The following KCNH1 variants were observed in gnomAD, a reference collection of about 807,000 sequenced individuals.
The protein encoded by KCNH1 is voltage-gated delayed rectifier potassium channel KCNH1.
KCNH1 carries 27 observed loss-of-function variants against 69.2 expected under a neutral mutation model. The ratio of observed to expected loss-of-function variants is 0.39; its 90% CI spans 0.29 to 0.54. KCNH1 has a LOEUF of 0.54. KCNH1 is among the 20% of genes least tolerant of loss of function. The pLI is 0.68. For missense variants in KCNH1, 798 were observed against 1,261.6 expected (o/e 0.63, Z 5.57); for synonymous variants, 456 against 487.7 (o/e 0.93, Z 0.86).
chr1:210,922,398 A>AC (rs1203782378), intron 6 of KCNH1, among the ~76,000 whole-genome samples: 6,201 of 28,994 alleles, frequency 0.21, 477 homozygotes, highest in East Asian at 0.35. Flanking sequence ...AAAAAAAAAA[A>AC]AAAAAAAAAA....
intron 7 of KCNH1, among the ~76,000 whole-genome samples, chr1:210,912,615 G>C (rs1174325779): frequency 6.6e-6 from 1 of 152,214 alleles, no homozygotes; most frequent in African/African-American, 2.4e-5. Context: ...GGGGCAGGGA[G>C]AGAGTTATCA....
chr1:211,111,165 A>C (rs1321097418), intron 1 of KCNH1, among the ~76,000 whole-genome samples: 1 of 152,234 alleles, frequency 6.6e-6, no homozygotes, highest in East Asian at 1.9e-4. Flanking sequence ...CAAGCTCCAG[A>C]TATCACTGCA....
intron 6 of KCNH1, among the ~76,000 whole-genome samples, chr1:211,002,444 C>G (rs974286985): frequency 2.7e-5 from 4 of 150,826 alleles, no homozygotes; most frequent in Non-Finnish European, 4.4e-5. Flanking sequence ...TCCAAAATAA[C>G]TAGCACATGA....
chr1:210,994,257 T>G (rs1189954982), intron 6 of KCNH1, among the ~76,000 whole-genome samples: 1 of 152,216 alleles, frequency 6.6e-6, no homozygotes, highest in Non-Finnish European at 1.5e-5. Flanking sequence ...TACTATCTCA[T>G]GTGATCTTGA....
At chr1:210,959,735 G>C (rs1315210221) in intron 6 of KCNH1, among the ~76,000 whole-genome samples, 2 of 152,196 alleles carry the variant, frequency 1.3e-5, no homozygotes, top group African/African-American at 4.8e-5. Context: ...AGAATCTCCT[G>C]GTCTGCCAGT....
chr1:211,105,062 T>C (rs1299632385), intron 2 of KCNH1, among the ~76,000 whole-genome samples: 2 of 152,226 alleles, frequency 1.3e-5, no homozygotes, highest in African/African-American at 4.8e-5. Context: ...TGTTATCTTA[T>C]GTCCCTTCCC....
chr1:210,989,316 A>C lies in KCNH1; in HGVS notation c.1032+29467T>G, dbSNP rs368293010. Among the ~76,000 whole-genome samples, 124 of 152,370 alleles carry C rather than the reference A, an allele frequency of 8.1e-4. 1 individual carries two copies. The highest frequency in any genetic ancestry group is 2.8e-3 in the African/African-American group (118 of 41,594). On this transcript the variant is annotated intron_variant, in intron 6 of 10. Coordinates refer to ENST00000271751, the MANE Select transcript of KCNH1 (RefSeq NM_172362.3). The stretch of plus-strand genomic sequence containing the variant: ...CAAAAACAAAGGCAAAAGACACAAA[A>C]TACTACTTTTGTGAATAGAAATAGA...
Position 210,810,220 on chromosome 1 carries a change from T to C in KCNH1, c.1463-6054A>G, listed in dbSNP as rs909829182. ...TTCTAAAGTGGAAATCATTTCTCTCTGGATTTTGGAAGCATTTCTCCAGCC... is the reference window on the plus strand; with the variant it reads ...TTCTAAAGTGGAAATCATTTCTCTCCGGATTTTGGAAGCATTTCTCCAGCC... On this transcript the variant is annotated intron_variant, in intron 7 of 10. Transcript: ENST00000271751. Among the ~76,000 whole-genome samples the C allele has an allele frequency of 2.6e-5, 4 of 152,136 alleles. No individual in the cohort carries two copies. In the South Asian group the frequency reaches 8.3e-4, roughly 31 times the overall value.
At chr1:210,726,231 T>A (rs17260718) in intron 10 of KCNH1, among the ~76,000 whole-genome samples, 3 of 152,038 alleles carry the variant, frequency 2.0e-5, no homozygotes, top group Non-Finnish European at 4.4e-5. Context: ...GGAGCAGCAC[T>A]TGCCCAACTT....
intron 10 of KCNH1, among the ~76,000 whole-genome samples, chr1:210,758,882 T>G (rs574101942): frequency 6.6e-6 from 1 of 152,300 alleles, no homozygotes; most frequent in South Asian, 2.1e-4. Context: ...CCTCTGTCCC[T>G]GCCGCTAACT....
intron 10 of KCNH1, among the ~76,000 whole-genome samples, chr1:210,757,099 A>T (rs889845545): frequency 6.6e-6 from 1 of 152,172 alleles, no homozygotes; most frequent in Admixed American, 6.5e-5. Context: ...TGATCCTAGG[A>T]GTGCAGTCCT....
chr1:210,864,255 C>T (rs150986220), intron 7 of KCNH1, among the ~76,000 whole-genome samples: 22 of 152,136 alleles, frequency 1.4e-4, no homozygotes, highest in Non-Finnish European at 2.9e-5. Context: ...CATCTCTACC[C>T]CCTCAGCATG....
chr1:211,131,613 A>G (rs576717398), intron 1 of KCNH1, among the ~76,000 whole-genome samples: 4 of 152,220 alleles, frequency 2.6e-5, no homozygotes, highest in African/African-American at 4.8e-5. Context: ...GAGACAATCA[A>G]TATCTTTAAA....
intron 6 of KCNH1, among the ~76,000 whole-genome samples, chr1:210,933,572 A>T (rs1293308206): frequency 6.6e-6 from 1 of 152,116 alleles, no homozygotes; most frequent in African/African-American, 2.4e-5. Flanking sequence ...GACTAAAAAC[A>T]TACAAAAAAT....
At chr1:210,980,621 T>C (rs1688690697) in intron 6 of KCNH1, among the ~76,000 whole-genome samples, 1 of 152,148 alleles carries the variant, frequency 6.6e-6, no homozygotes, top group South Asian at 2.1e-4. Flanking sequence ...AAAAGAATCA[T>C]TTGCACTGCA....
intron 4 of KCNH1, among the ~76,000 whole-genome samples, chr1:211,089,455 T>C (rs1458709934): frequency 6.6e-6 from 1 of 152,200 alleles, no homozygotes; most frequent in Non-Finnish European, 1.5e-5. Flanking sequence ...TTTTAAAAAA[T>C]AGGATGCGCT....
intron 7 of KCNH1, among the ~76,000 whole-genome samples, chr1:210,910,192 A>AT (rs1165573315): frequency 6.8e-6 from 1 of 146,976 alleles, no homozygotes; most frequent in Non-Finnish European, 1.5e-5. Flanking sequence ...AAAAAAAAAA[A>AT]TTTCATCAAA....
At chr1:211,068,208 T>C (rs1690569235) in intron 5 of KCNH1, among the ~76,000 whole-genome samples, 1 of 152,238 alleles carries the variant, frequency 6.6e-6, no homozygotes. Context: ...TCCATACTCT[T>C]ATTCAGTCTC....
At chr1:211,122,531 G>C (rs768150361) in intron 1 of KCNH1, among the ~76,000 whole-genome samples, 3 of 152,204 alleles carry the variant, frequency 2.0e-5, no homozygotes, top group Admixed American at 6.5e-5. Flanking sequence ...GCACATGCAT[G>C]TTTATTGCAG....
Sources: allele counts gnomAD v4.1 joint callset (sites outside exome capture counted in the v4.1 genomes callset), GRCh38; gene constraint gnomAD v4.1.1; transcripts MANE v1.5; gene names NCBI Gene and HGNC (gene_info 2026-07-23, HGNC 2026-07-21).